The following WASF2 variants were observed in gnomAD, a reference collection of about 807,000 sequenced individuals.
WASF2 encodes the protein actin-binding protein WASF2.
Under a neutral mutation model 45.0 loss-of-function variants are expected in WASF2, and 14 were observed. The ratio of observed to expected loss-of-function variants is 0.31; its 90% CI spans 0.21 to 0.49. The LOEUF is 0.49. WASF2 is among the 20% of genes least tolerant of loss of function. The pLI is 0.99. For missense variants in WASF2, 439 were observed against 636.1 expected, an observed-to-expected ratio of 0.69 and a Z score of 3.33; for synonymous variants, 200 against 236.3, an observed-to-expected ratio of 0.85 and a Z score of 1.41.
In WASF2 at chr1:27,410,006, C is replaced by A. The variant is rs747365394; in HGVS notation, c.1025G>T (p.Gly342Val). The change falls in exon 8 of 9, where the codon GGG (glycine) becomes GTG (valine). Residue 342 changes from glycine (G) to valine (V), a missense_variant. Physicochemically the swap from Gly to Val is moderately radical, Grantham distance 109 (BLOSUM62 -3). Coordinates refer to ENST00000618852, the MANE Select transcript of WASF2 (RefSeq NM_006990.5). This position sits in a 1 kb window ranked among gnomAD's most constrained non-coding sequence, Gnocchi z 4.2. Reference protein sequence around the residue: ...IPPPPPPVGFGSPGTPPPPSP... With the variant: ...IPPPPPPVGFVSPGTPPPPSP... ...GGGTGGTGGAGGCGTCCCTGGAGACCCAAATCCTACAGGCGGTGGTGGAGG... is the reference window on the plus strand; with the variant it reads ...GGGTGGTGGAGGCGTCCCTGGAGACACAAATCCTACAGGCGGTGGTGGAGG... The A allele has an allele frequency of 6.2e-7, 1 of 1,613,352 alleles. No homozygotes were observed. Among genetic ancestry groups the A allele is most frequent in the South Asian group, 1.1e-5 (1 of 90,992 alleles).
rs35817310 is a variant in WASF2 at position 27,414,577 on chromosome 1, T to G, written c.668+256A>C. On this transcript the variant is annotated intron_variant, in intron 6 of 8. Coordinates refer to ENST00000618852, the MANE Select transcript of WASF2 (RefSeq NM_006990.5). This position sits in a 1 kb window ranked among gnomAD's most constrained non-coding sequence, Gnocchi z 4.1. ...GCCCTTAGATGTGTATCTCGCAGAG[T>G]AAGGGCACTAGGAGCCATGGGCTTT... Among the ~76,000 whole-genome samples, 18,628 of 152,108 alleles carry G rather than the reference T, an allele frequency of 0.12. 1,587 individuals carry two copies. Among genetic ancestry groups the G allele is most frequent in the Non-Finnish European group, 0.18 (12,418 of 67,978 alleles).
intron 1 of WASF2, among the ~76,000 whole-genome samples, chr1:27,475,766 T>C (rs2017757298): frequency 6.6e-6 from 1 of 152,198 alleles, no homozygotes; most frequent in South Asian, 2.1e-4. Context: ...CAGCTGGTAC[T>C]ACAGGTGCAC....
At chr1:27,462,056 C>T (rs2017553293) in intron 1 of WASF2, among the ~76,000 whole-genome samples, 1 of 150,930 alleles carries the variant, frequency 6.6e-6, no homozygotes, top group African/African-American at 2.4e-5. Flanking sequence ...CGGATCACTG[C>T]AACCTCTGCC....
chr1:27,446,190 A>C (rs2017308094), intron 1 of WASF2, among the ~76,000 whole-genome samples: 1 of 152,178 alleles, frequency 6.6e-6, no homozygotes, highest in Non-Finnish European at 1.5e-5. Flanking sequence ...TTTCAGCATT[A>C]ATATTTTAAA....
chr1:27,454,209 T>A lies in WASF2; in HGVS notation c.-43-25276A>T, dbSNP rs552434622. 9.4e-5 allele frequency among the ~76,000 whole-genome samples: 10 copies of A among 105,916 alleles called. No individual in the cohort carries two copies. In the South Asian group the frequency reaches 2.5e-3, roughly 27 times the overall value. 69.5% of individuals were successfully genotyped at this position (105,916 alleles called of 152,430 possible). On this transcript the variant is annotated intron_variant, in intron 1 of 8. Coordinates refer to ENST00000618852, the MANE Select transcript of WASF2 (RefSeq NM_006990.5). The stretch of plus-strand genomic sequence containing the variant: ...TATATTTTTTTTTTTTTTTTTTTTT[T>A]AAAGATACAGGGTCTTACTTTGTTG...
chr1:27,447,340 T>A (rs186200150), intron 1 of WASF2, among the ~76,000 whole-genome samples: 50 of 152,290 alleles, frequency 3.3e-4, no homozygotes, highest in Admixed American at 7.2e-4. Context: ...CTAAGACATA[T>A]CATGTGTTTT....
chr1:27,487,079 T>TTA (rs1200784118), intron 1 of WASF2, among the ~76,000 whole-genome samples: 1 of 147,254 alleles, frequency 6.8e-6, no homozygotes, highest in Non-Finnish European at 1.5e-5. Flanking sequence ...AAAATATAGA[T>TTA]TATATATATA....
intron 6 of WASF2, 121 bp from the exon 7 acceptor site, chr1:27,412,848 A>G: frequency 2.7e-6 from 3 of 1,097,268 alleles, no homozygotes; most frequent in South Asian, 1.4e-5. Context: ...TAAAATAGGT[A>G]TATTTCCCAC....
At chr1:27,463,580 G>A (rs1422355276) in intron 1 of WASF2, among the ~76,000 whole-genome samples, 3 of 135,738 alleles carry the variant, frequency 2.2e-5, no homozygotes, top group African/African-American at 8.6e-5. Context: ...CCGAGATAGC[G>A]CCACTGCACT....
intron 1 of WASF2, among the ~76,000 whole-genome samples, chr1:27,469,464 G>A (rs1035876095): frequency 6.6e-6 from 1 of 152,164 alleles, no homozygotes; most frequent in Non-Finnish European, 1.5e-5. Flanking sequence ...ATTCGATCTA[G>A]TGTACCGCCT....
At chr1:27,489,965 C>T (rs1231880420) in intron 1 of WASF2, 21 bp downstream of exon 1, 1 of 152,278 alleles carries the variant, frequency 6.6e-6, no homozygotes, top group Non-Finnish European at 1.5e-5. Context: ...CGGGGTCTAC[C>T]CAAGGGGACT....
intron 1 of WASF2, among the ~76,000 whole-genome samples, chr1:27,476,612 G>A (rs1231550517): frequency 6.6e-6 from 1 of 151,916 alleles, no homozygotes; most frequent in Non-Finnish European, 1.5e-5. Flanking sequence ...CTCTTCCAGA[G>A]GCTTCTGAAA....
intron 1 of WASF2, among the ~76,000 whole-genome samples, chr1:27,481,115 T>C (rs1441471906): frequency 2.1e-5 from 3 of 144,120 alleles, no homozygotes; most frequent in African/African-American, 7.8e-5. Context: ...GCTTACATGG[T>C]GAAACCCCGT....
chr1:27,448,177 AG>A (rs1484700322), intron 1 of WASF2, among the ~76,000 whole-genome samples: 4 of 152,240 alleles, frequency 2.6e-5, no homozygotes, highest in African/African-American at 9.6e-5. Context: ...CCATTCAAAC[AG>A]GGTTACAATT....
At chr1:27,470,163 C>A (rs1027214548) in intron 1 of WASF2, among the ~76,000 whole-genome samples, 3 of 152,064 alleles carry the variant, frequency 2.0e-5, no homozygotes, top group African/African-American at 7.2e-5. Context: ...TGAAGATGAG[C>A]GCATTATTGC....
intron 1 of WASF2, among the ~76,000 whole-genome samples, chr1:27,456,024 A>C (rs978022495): frequency 5.3e-5 from 8 of 152,094 alleles, no homozygotes; most frequent in African/African-American, 1.9e-4. Context: ...ACAAATCTCT[A>C]AACAGTGAAA....
chr1:27,447,517 G>T (rs1393309871), intron 1 of WASF2, among the ~76,000 whole-genome samples: 2 of 152,198 alleles, frequency 1.3e-5, no homozygotes, highest in Non-Finnish European at 2.9e-5. Flanking sequence ...TTGTAGCTAT[G>T]TTGCAGCAGC....
At chr1:27,417,341 A>G (rs1460402681) in intron 4 of WASF2, among the ~76,000 whole-genome samples, 1 of 152,196 alleles carries the variant, frequency 6.6e-6, no homozygotes. Context: ...GGTCCCTTTG[A>G]AAGCCAAGGG....
chr1:27,408,570 C>G (rs1357322723), intron 8 of WASF2, among the ~76,000 whole-genome samples: 1 of 152,234 alleles, frequency 6.6e-6, no homozygotes, highest in Non-Finnish European at 1.5e-5. Context: ...CTGGTTTACA[C>G]ACTTTCAGGC....
Sources: gnomAD v4.1 joint callset for allele counts (sites outside exome capture counted in the v4.1 genomes callset) on GRCh38, gnomAD v4.1.1 for gene constraint, Gnocchi (gnomAD v3.1) non-coding constraint, MANE v1.5 for transcripts, NCBI Gene and HGNC (gene_info 2026-07-23, HGNC 2026-07-21) for gene names.